C10orf90: variants seen among roughly 807,000 people sequenced by gnomAD.
The protein encoded by C10orf90 is (E2-independent) E3 ubiquitin-conjugating enzyme FATS.
Under a neutral mutation model 62.5 loss-of-function variants are expected in C10orf90, and 56 were observed. That is an observed-to-expected ratio of 0.90 (90% CI 0.72 to 1.12). C10orf90 has a LOEUF of 1.12. C10orf90 is among the 50% of genes most tolerant of loss of function. The probability of loss-of-function intolerance (pLI) is 0.00; values close to 1 mark genes in which losing one functional copy is unlikely to be tolerated. For missense variants in C10orf90, 970 were observed against 880.4 expected (o/e 1.10, Z -1.29); for synonymous variants, 386 against 340.4 (o/e 1.13, Z -1.47).
At position 126,504,551 on chromosome 10, in the gene C10orf90, A is replaced by G. The variant is rs933525154; in HGVS notation, c.940T>C (p.Cys314Arg). Residue 314 changes from cysteine to arginine, a missense_variant, in exon 4 of 10, where the codon TGT becomes CGT. By Grantham distance (180) the Cys-to-Arg change is radical. Transcript: ENST00000488181. The surrounding 1 kb of genome is among the most constrained non-coding windows in gnomAD (Gnocchi z 4.1). Reference protein sequence around the residue: ...LKVPEAHTGLCERRKYWVTHA... With the variant: ...LKVPEAHTGLRERRKYWVTHA... ...GTGACCCAGTACTTGCGTCTCTCACACAACCCAGTGTGGGCCTCGGGAACC... is the reference window on the plus strand; with the variant it reads ...GTGACCCAGTACTTGCGTCTCTCACGCAACCCAGTGTGGGCCTCGGGAACC... 6.2e-7 allele frequency: 1 copy of G among 1,614,076 alleles called. No homozygotes were observed. Among genetic ancestry groups the G allele is most frequent in the African/African-American group, 1.3e-5 (1 of 74,922 alleles).
At chr10:126,622,140 C>A (rs564176472) in intron 2 of C10orf90, among the ~76,000 whole-genome samples, 1 of 152,136 alleles carries the variant, frequency 6.6e-6, no homozygotes, top group Non-Finnish European at 1.5e-5. Context: ...ATATCTGGTT[C>A]GTTCTTATGC....
At chr10:126,572,803 A>T (rs1287940687) in intron 2 of C10orf90, among the ~76,000 whole-genome samples, 1 of 152,056 alleles carries the variant, frequency 6.6e-6, no homozygotes, top group Non-Finnish European at 1.5e-5. Flanking sequence ...TATGGTTCAC[A>T]TGCCTCTGAC....
At chr10:126,474,183 T>G (rs1279830964) in intron 4 of C10orf90, among the ~76,000 whole-genome samples, 1 of 152,182 alleles carries the variant, frequency 6.6e-6, no homozygotes, top group Non-Finnish European at 1.5e-5. Flanking sequence ...TTACATGGCC[T>G]GTGCAAGCCC....
chr10:126,440,517 G>T (rs60650240), intron 7 of C10orf90, among the ~76,000 whole-genome samples: 2 of 152,020 alleles, frequency 1.3e-5, no homozygotes, highest in African/African-American at 4.8e-5. Context: ...CCTACTGCCG[G>T]TTCCTCTCCA....
intron 2 of C10orf90, among the ~76,000 whole-genome samples, chr10:126,537,334 T>G (rs556703974): frequency 6.6e-6 from 1 of 152,178 alleles, no homozygotes; most frequent in Non-Finnish European, 1.5e-5. Context: ...AAAAGAGATG[T>G]TTGAACAGGT....
chr10:126,573,198 T>C (rs1214597547), intron 2 of C10orf90, among the ~76,000 whole-genome samples: 1 of 152,092 alleles, frequency 6.6e-6, no homozygotes. Context: ...TCGTGATCGA[T>C]TGAGCAAGCA....
chr10:126,465,387 T>G (rs1274257815), intron 4 of C10orf90, among the ~76,000 whole-genome samples: 1 of 151,478 alleles, frequency 6.6e-6, no homozygotes. Context: ...ATCAGTTTAT[T>G]TCTATAACAA....
chr10:126,533,403 G>C (rs1026250989), intron 2 of C10orf90, among the ~76,000 whole-genome samples: 15 of 152,184 alleles, frequency 9.9e-5, no homozygotes, highest in African/African-American at 3.6e-4. Context: ...GCATTCCTAC[G>C]TTCCTTGAAC....
intron 4 of C10orf90, among the ~76,000 whole-genome samples, chr10:126,466,588 A>G (rs888967607): frequency 2.0e-5 from 3 of 152,066 alleles, no homozygotes; most frequent in African/African-American, 7.2e-5. Flanking sequence ...CAGAGGGAAG[A>G]GCAAAAAGTC....
intron 4 of C10orf90, among the ~76,000 whole-genome samples, chr10:126,488,298 A>T (rs1861544570): frequency 6.6e-6 from 1 of 152,144 alleles, no homozygotes; most frequent in South Asian, 2.1e-4. Flanking sequence ...ATTAAAACAA[A>T]GGGGATATTT....
intron 3 of C10orf90, among the ~76,000 whole-genome samples, chr10:126,511,421 T>TTAA (rs113207163): frequency 0.026 from 3,984 of 152,282 alleles, 173 homozygotes; most frequent in African/African-American, 0.09. Flanking sequence ...CTTGGTGGTA[T>TTAA]TAAGTGCATT....
intron 7 of C10orf90, among the ~76,000 whole-genome samples, chr10:126,448,761 C>T (rs1036970719): frequency 7.2e-5 from 11 of 152,044 alleles, no homozygotes; most frequent in Non-Finnish European, 1.6e-4. Flanking sequence ...TAATTATACA[C>T]CTACAAATTG....
intron 2 of C10orf90, among the ~76,000 whole-genome samples, chr10:126,561,944 G>A (rs1564872169): frequency 6.6e-6 from 1 of 152,216 alleles, no homozygotes; most frequent in Non-Finnish European, 1.5e-5. Context: ...GACCAGAAAG[G>A]TCTTCCTAAT....
chr10:126,484,603 C>T (rs1303931477), intron 4 of C10orf90, among the ~76,000 whole-genome samples: 1 of 152,166 alleles, frequency 6.6e-6, no homozygotes, highest in Non-Finnish European at 1.5e-5. Context: ...AGAAACTCTC[C>T]TACATTGCTA....
At position 126,470,298 on chromosome 10, in the gene C10orf90, T is replaced by C. The variant is rs1489706226; in HGVS notation, c.1535-5312A>G. The C allele has an allele frequency of 1.6e-5, 5 of 318,546 alleles. No individual in the cohort carries two copies. In the Admixed American group the frequency reaches 2.1e-4, roughly 13 times the overall value. The allele number at this position is 318,546 out of a possible 1,614,324, so 19.7% of individuals were successfully genotyped here. A position where few individuals can be genotyped will look rare whatever the true frequency, so the allele number is the denominator to read the frequency against. On this transcript the variant is annotated intron_variant, in intron 4 of 9. Transcript: ENST00000488181. ...AGGAAGAGGCAGTAACAATGGGTAC[T>C]CCAATCGCACAGCTTTTCAAGCAAG...
At chr10:126,609,111 A>G (rs1187736552) in intron 2 of C10orf90, among the ~76,000 whole-genome samples, 2 of 152,198 alleles carry the variant, frequency 1.3e-5, no homozygotes, top group African/African-American at 4.8e-5. Flanking sequence ...GAAATAAGGT[A>G]TGTGAATCAG....
rs1223540352 is a variant in C10orf90, at chr10:126,504,460, A to T, written c.1031T>A (p.Val344Glu). The T allele has an allele frequency of 6.2e-7, 1 of 1,614,182 alleles. No homozygotes were observed. ...CCTGAGGTGGACACAGGAACTGAAC[A>T]CCAGCGGGCTCTTTCCTGACAGTGG... ...DTPLSGKSPLVFSSCVHLRVS... is the reference protein window; with the variant it reads ...DTPLSGKSPLEFSSCVHLRVS... Residue 344 changes from valine to glutamate, a missense_variant, in exon 4 of 10, where the codon GTG becomes GAG. Transcript: ENST00000488181. This position sits in a 1 kb window ranked among gnomAD's most constrained non-coding sequence, Gnocchi z 4.1.
chr10:126,506,276 A>G (rs1862725852), intron 3 of C10orf90, among the ~76,000 whole-genome samples: 1 of 152,226 alleles, frequency 6.6e-6, no homozygotes, highest in South Asian at 2.1e-4. Context: ...TGTTTCTATT[A>G]TGGTTATGTG....
At chr10:126,630,736 T>C (rs1358639923) in intron 2 of C10orf90, among the ~76,000 whole-genome samples, 1 of 152,134 alleles carries the variant, frequency 6.6e-6, no homozygotes, top group Admixed American at 6.5e-5. Flanking sequence ...ACTTTACTTC[T>C]GAACTAAAAA....
Sources: allele counts gnomAD v4.1 joint callset (sites outside exome capture counted in the v4.1 genomes callset), GRCh38; gene constraint gnomAD v4.1.1; non-coding constraint Gnocchi (gnomAD v3.1); transcripts MANE v1.5; gene names NCBI Gene and HGNC (gene_info 2026-07-23, HGNC 2026-07-21).